The following DAB2IP variants were observed in gnomAD, a reference collection of about 807,000 sequenced individuals.
The protein encoded by DAB2IP is DAB2 interacting protein.
In DAB2IP, 28 loss-of-function variants were observed where a neutral mutation model predicts 107.2. That is an observed-to-expected ratio of 0.26 (90% confidence interval 0.19 to 0.36). The LOEUF is 0.36. Among genes scored for constraint, DAB2IP ranks in the 10% least tolerant of loss-of-function variants. DAB2IP has a pLI of 1.00. For synonymous variants in DAB2IP, 755 were observed against 706.4 expected, an observed-to-expected ratio of 1.07 and a Z score of -1.09; for missense variants, 1,400 against 1,644.7, an observed-to-expected ratio of 0.85 and a Z score of 2.57.
chr9:121,746,841 G>A (rs999458973), intron 3 of DAB2IP, among the ~76,000 whole-genome samples: 2 of 152,232 alleles, frequency 1.3e-5, no homozygotes, highest in Non-Finnish European at 2.9e-5. Flanking sequence ...TGAGGTGGCT[G>A]TTGGAGGTAT....
In DAB2IP at chr9:121,776,659, A is replaced by G. The variant is rs1168585571; in HGVS notation, c.3314+268A>G. Among the ~76,000 whole-genome samples the G allele has an allele frequency of 6.6e-6, 1 of 152,182 alleles. No homozygotes were observed. The highest frequency in any genetic ancestry group is 1.5e-5 in the Non-Finnish European group (1 of 68,022). Reference sequence around the variant, plus strand: ...GCTCCCGACGGGCCTGAGCCTCTACAAGGAGCCATACCATCTTAGTAAGCA... The same window carrying G: ...GCTCCCGACGGGCCTGAGCCTCTACGAGGAGCCATACCATCTTAGTAAGCA... On this transcript the variant is annotated intron_variant, in intron 14 of 15. Coordinates refer to ENST00000408936, the Ensembl canonical transcript of DAB2IP. This position sits in a 1 kb window ranked among gnomAD's most constrained non-coding sequence, Gnocchi z 5.4.
chr9:121,638,201 G>A (rs1200946508), intron 1 of DAB2IP, among the ~76,000 whole-genome samples: 4 of 152,192 alleles, frequency 2.6e-5, no homozygotes, highest in African/African-American at 9.7e-5. Flanking sequence ...AATTGCATCT[G>A]TACTGAACAT....
chr9:121,744,385 T>C (rs996919071), intron 3 of DAB2IP, among the ~76,000 whole-genome samples: 1 of 152,194 alleles, frequency 6.6e-6, no homozygotes, highest in Non-Finnish European at 1.5e-5. Flanking sequence ...GTAGCGTCTT[T>C]ACTGGGCAAG....
intron 1 of DAB2IP, among the ~76,000 whole-genome samples, chr9:121,637,809 A>G (rs1360567113): frequency 6.6e-6 from 1 of 152,210 alleles, no homozygotes; most frequent in East Asian, 1.9e-4. Context: ...ATGATGGGCT[A>G]TAAATCACAG....
In DAB2IP at chr9:121,666,459, G is replaced by C. The variant is rs114404534; in HGVS notation, c.125-12219G>C. ...CACCTCTCCTCCCTGTCCCAGAGAG[G>C]CGTGCCTAAAGGCTGAGCTAGAAAA... is the stretch of plus-strand genomic sequence containing the variant. On this transcript the variant is annotated intron_variant, in intron 1 of 15. Coordinates refer to ENST00000408936, the Ensembl canonical transcript of DAB2IP. Among the ~76,000 whole-genome samples the C allele has an allele frequency of 2.0e-5, 3 of 152,322 alleles. No homozygotes were observed. The East Asian group carries it at 5.8e-4, about 29-fold the overall frequency.
intron 1 of DAB2IP, among the ~76,000 whole-genome samples, chr9:121,645,887 T>C (rs1380408900): frequency 6.6e-6 from 1 of 151,836 alleles, no homozygotes; most frequent in Non-Finnish European, 1.5e-5. Context: ...AATGGGGAGA[T>C]TTTTAGATCC....
At chr9:121,657,741 G>T (rs915202527) in intron 1 of DAB2IP, among the ~76,000 whole-genome samples, 1 of 152,200 alleles carries the variant, frequency 6.6e-6, no homozygotes, top group Non-Finnish European at 1.5e-5. Context: ...AGCGGTTCAG[G>T]TTTTCATTCT....
intron 3 of DAB2IP, among the ~76,000 whole-genome samples, chr9:121,726,388 A>C (rs1415940486): frequency 6.6e-6 from 1 of 152,204 alleles, no homozygotes; most frequent in East Asian, 1.9e-4. Flanking sequence ...TCCCTTTATA[A>C]TAAACTGGCA....
intron 3 of DAB2IP, among the ~76,000 whole-genome samples, chr9:121,723,578 C>G (rs1447370094): frequency 6.6e-6 from 1 of 152,232 alleles, no homozygotes; most frequent in Non-Finnish European, 1.5e-5. Context: ...GAGGAACTCT[C>G]CCCACCCTGG....
At chr9:121,743,652 G>A (rs1429597932) in intron 3 of DAB2IP, among the ~76,000 whole-genome samples, 2 of 152,196 alleles carry the variant, frequency 1.3e-5, no homozygotes, top group East Asian at 1.9e-4. Context: ...CAGGAGCAGC[G>A]GACAGCAGGA....
rs112714118 is a variant in DAB2IP, at chr9:121,777,957, G to A, written c.3314+1566G>A. Among the ~76,000 whole-genome samples the A allele has an allele frequency of 3.6e-3, 554 of 152,266 alleles. 5 individuals are homozygous for A. The highest frequency in any genetic ancestry group is 0.012 in the African/African-American group (518 of 41,566). On this transcript the variant is annotated intron_variant, in intron 14 of 15. Transcript: ENST00000408936. ...AGCCACCCCAACTTCCTTTTGATTC[G>A]TGTTGGTATGGTATAGCTTTTTTTA...
intron 2 of DAB2IP, among the ~76,000 whole-genome samples, chr9:121,697,899 G>C (rs1164063084): frequency 2.0e-5 from 3 of 152,194 alleles, no homozygotes; most frequent in Admixed American, 6.5e-5. Context: ...CCCGGAAGCT[G>C]GGTGTCCTTG....
In DAB2IP at chr9:121,634,162, A is replaced by G. The variant is rs1277780189; in HGVS notation, c.41-44516A>G. On this transcript the variant is annotated intron_variant, in intron 1 of 16. Coordinates refer to the DAB2IP transcript ENST00000259371. This position sits in a 1 kb window ranked among gnomAD's most constrained non-coding sequence, Gnocchi z 4.7. ...CTCCAGAGACCATGCCATGACTTGC[A>G]TTGGTTTTCACATGCCAACTCCTAG... 2.0e-5 allele frequency among the ~76,000 whole-genome samples: 3 copies of G among 152,092 alleles called. No homozygotes were observed. In the East Asian group the frequency reaches 5.8e-4, roughly 29 times the overall value.
chr9:121,668,523 G>A (rs1197600644), intron 1 of DAB2IP, among the ~76,000 whole-genome samples: 1 of 152,188 alleles, frequency 6.6e-6, no homozygotes, highest in East Asian at 1.9e-4. Flanking sequence ...ACAGGTGTGA[G>A]CCACTGCACC....
chr9:121,594,162 G>A (rs1830477628), intron 1 of DAB2IP, among the ~76,000 whole-genome samples: 1 of 152,078 alleles, frequency 6.6e-6, no homozygotes, highest in Non-Finnish European at 1.5e-5. Flanking sequence ...CCCAGCAACA[G>A]GCTCAGAGGG....
At chr9:121,655,724 A>G (rs1223758720) in intron 1 of DAB2IP, among the ~76,000 whole-genome samples, 1 of 152,116 alleles carries the variant, frequency 6.6e-6, no homozygotes, top group Non-Finnish European at 1.5e-5. Context: ...GCCTATACCC[A>G]TAGCCATGAG....
At chr9:121,653,237 CCTT>C (rs1832832644) in intron 1 of DAB2IP, among the ~76,000 whole-genome samples, 3 of 56,190 alleles carry the variant, frequency 5.3e-5, no homozygotes, top group Admixed American at 3.1e-4. Flanking sequence ...CTTTAGTACT[CCTT>C]GGAGGGAGTA....
chr9:121,781,494 G>A (rs771428938), exon 15 of DAB2IP: 1 of 1,614,066 alleles, frequency 6.2e-7, no homozygotes, highest in East Asian at 2.2e-5. Context: ...AACTGAAGAA[G>A]GACCACGCAG....
chr9:121,679,847 C>G (rs116594313), intron 2 of DAB2IP, among the ~76,000 whole-genome samples: 1,689 of 143,506 alleles, frequency 0.012, 25 homozygotes, highest in African/African-American at 0.044. Flanking sequence ...AATGGCTAGG[C>G]AAGGACAGAG....
Sources: gnomAD v4.1 joint callset for allele counts (sites outside exome capture counted in the v4.1 genomes callset) on GRCh38, gnomAD v4.1.1 for gene constraint, Gnocchi (gnomAD v3.1) non-coding constraint, MANE v1.5 for transcripts, NCBI Gene and HGNC (gene_info 2026-07-23, HGNC 2026-07-21) for gene names.